CFDP1: variants seen among roughly 807,000 people sequenced by gnomAD.
The protein encoded by CFDP1 is heterochromatin-stabilizing protein CFDP1.
In CFDP1, 31 loss-of-function variants were observed where a neutral mutation model predicts 40.1. The observed-to-expected ratio is 0.77, with a 90% CI of 0.58 to 1.04. The LOEUF (loss-of-function observed/expected upper bound fraction) is 1.04. CFDP1 is among the 50% of genes least tolerant of loss of function. The probability of loss-of-function intolerance (pLI) is 0.00; values close to 1 mark genes in which losing one functional copy is unlikely to be tolerated. For missense variants in CFDP1, 423 were observed against 343.4 expected (o/e 1.23, Z -1.83); for synonymous variants, 167 against 120.0 (o/e 1.39, Z -2.56).
chr16:75,371,039 A>C (rs1371407928), intron 5 of CFDP1, among the ~76,000 whole-genome samples: 1 of 152,192 alleles, frequency 6.6e-6, no homozygotes, highest in South Asian at 2.1e-4. Context: ...AAAAAAGCCA[A>C]TTCCAGAATT....
At chr16:75,346,407 T>C (rs8047983) in intron 5 of CFDP1, among the ~76,000 whole-genome samples, 49,704 of 151,060 alleles carry the variant, frequency 0.33, 9,318 homozygotes, top group African/African-American at 0.51. Flanking sequence ...CACGGTGAAA[T>C]CCCATCTCTA....
chr16:75,384,961 T>C (rs1414322673), intron 5 of CFDP1, among the ~76,000 whole-genome samples: 1 of 149,392 alleles, frequency 6.7e-6, no homozygotes, highest in Non-Finnish European at 1.5e-5. Flanking sequence ...ATGCAATACA[T>C]ATATATGTAT....
intron 5 of CFDP1, among the ~76,000 whole-genome samples, chr16:75,344,975 G>A (rs1312269679): frequency 2.0e-5 from 3 of 152,038 alleles, no homozygotes; most frequent in Admixed American, 6.6e-5. Flanking sequence ...AACATTTTCA[G>A]GCTGGGTAAA....
chr16:75,405,626 C>T (rs1389036250), intron 4 of CFDP1, among the ~76,000 whole-genome samples: 1 of 151,928 alleles, frequency 6.6e-6, no homozygotes, highest in Non-Finnish European at 1.5e-5. Context: ...GTGGTGCGTG[C>T]CTGTAGTCCA....
intron 1 of CFDP1, among the ~76,000 whole-genome samples, chr16:75,416,546 A>C (rs1025461687): frequency 2.6e-5 from 4 of 151,732 alleles, no homozygotes; most frequent in African/African-American, 9.7e-5. Flanking sequence ...GGTTCGCCTG[A>C]GCCCAGGAGT....
chr16:75,317,079 G>T (rs1213005835), intron 5 of CFDP1, among the ~76,000 whole-genome samples: 1 of 152,242 alleles, frequency 6.6e-6, no homozygotes, highest in Non-Finnish European at 1.5e-5. Context: ...CTTCAGCAAA[G>T]TCCTAGATTG....
At chr16:75,427,942 G>A (rs1276532138) in intron 1 of CFDP1, among the ~76,000 whole-genome samples, 3 of 152,218 alleles carry the variant, frequency 2.0e-5, no homozygotes, top group Non-Finnish European at 4.4e-5. Context: ...CAACACAGGT[G>A]AATCTCAAAT....
At chr16:75,323,225 G>T (rs78763473) in intron 5 of CFDP1, among the ~76,000 whole-genome samples, 2,326 of 147,362 alleles carry the variant, frequency 0.016, 55 homozygotes, top group African/African-American at 0.054. Context: ...ACTTTTTAAC[G>T]TTAAAAAAAA....
At chr16:75,364,485 T>C (rs1246732082) in intron 5 of CFDP1, among the ~76,000 whole-genome samples, 1 of 152,172 alleles carries the variant, frequency 6.6e-6, no homozygotes. Flanking sequence ...AAGACATTAT[T>C]TGCCTTCTTC....
chr16:75,422,389 A>C (rs1195093810), intron 1 of CFDP1, among the ~76,000 whole-genome samples: 1 of 136,582 alleles, frequency 7.3e-6, no homozygotes. Context: ...GCCACTGCGT[A>C]TGGCCTCTTT....
At chr16:75,346,954 G>A (rs530196598) in intron 5 of CFDP1, among the ~76,000 whole-genome samples, 1 of 152,142 alleles carries the variant, frequency 6.6e-6, no homozygotes, top group Admixed American at 6.5e-5. Flanking sequence ...GCAAGTAGTT[G>A]GTGTCACAAT....
At chr16:75,375,963 T>G (rs1407899809) in intron 5 of CFDP1, among the ~76,000 whole-genome samples, 1 of 152,154 alleles carries the variant, frequency 6.6e-6, no homozygotes, top group Admixed American at 6.6e-5. Context: ...CTATAATCCT[T>G]GCAGTTTGGG....
intron 6 of CFDP1, among the ~76,000 whole-genome samples, chr16:75,295,071 A>G (rs1240826451): frequency 6.6e-6 from 1 of 152,210 alleles, no homozygotes; most frequent in Non-Finnish European, 1.5e-5. Flanking sequence ...TCTCTGCACT[A>G]ATTTTTCTTT....
chr16:75,387,553 T>C, intron 5 of CFDP1, among the ~76,000 whole-genome samples: 1 of 152,210 alleles, frequency 6.6e-6, no homozygotes, highest in East Asian at 1.9e-4. Context: ...CACTAGTTCC[T>C]GAAACATCCT....
intron 5 of CFDP1, among the ~76,000 whole-genome samples, chr16:75,320,019 T>A (rs1325522030): frequency 6.6e-6 from 1 of 152,212 alleles, no homozygotes; most frequent in Admixed American, 6.5e-5. Flanking sequence ...TGTTTCTCTT[T>A]AACAAATGGA....
chr16:75,357,561 T>C (rs1825135986), intron 5 of CFDP1, among the ~76,000 whole-genome samples: 1 of 152,206 alleles, frequency 6.6e-6, no homozygotes, highest in African/African-American at 2.4e-5. Context: ...ATGAAACAGC[T>C]TCTTTCTAAG....
chr16:75,362,324 T>G (rs568267076), intron 5 of CFDP1, among the ~76,000 whole-genome samples: 2 of 152,208 alleles, frequency 1.3e-5, no homozygotes, highest in African/African-American at 2.4e-5. Context: ...CTAGGAGGGC[T>G]GATATCAACA....
chr16:75,433,217 G>A (rs868703390), intron 1 of CFDP1, 72 bp downstream of exon 1: 4 of 1,442,090 alleles, frequency 2.8e-6, no homozygotes, highest in Admixed American at 3.9e-5. Flanking sequence ...AGACGCCCGC[G>A]GGGGCAGAGC....
chr16:75,294,036 A>G lies in CFDP1; in HGVS notation c.816T>C (p.Ile272=). ...AIHNRGKEGY[I]ERKAFLDRVD... is the part of the protein sequence containing the mutation. ...CTCGGTCAAGGAAGGCTTTCCGTTC[A>G]ATGTACCTAGAAGATGAAAACAGTG... is the stretch of plus-strand genomic sequence containing the variant. Residue 272 remains isoleucine (I), a synonymous_variant, in exon 7 of 7, where the codon ATT becomes ATC. Coordinates refer to ENST00000283882, the MANE Select transcript of CFDP1 (RefSeq NM_006324.3). The G allele has an allele frequency of 2.5e-6, 4 of 1,612,780 alleles. No homozygotes were observed. The highest frequency in any genetic ancestry group is 3.4e-6 in the Non-Finnish European group (4 of 1,178,768).
Sources: gnomAD v4.1 joint callset for allele counts (sites outside exome capture counted in the v4.1 genomes callset) on GRCh38, gnomAD v4.1.1 for gene constraint, MANE v1.5 for transcripts, NCBI Gene and HGNC (gene_info 2026-07-23, HGNC 2026-07-21) for gene names.